MGAT4C: variants seen among roughly 807,000 people sequenced by gnomAD.
MGAT4C encodes the protein MGAT4 family member C, also known as alpha-1,3-mannosyl-glycoprotein 4-beta-N-acetylglucosaminyltransferase C.
A neutral mutation model predicts 40.1 loss-of-function variants in MGAT4C; 19 were observed. The observed-to-expected ratio is 0.47, with a 90% confidence interval of 0.33 to 0.70. The LOEUF is 0.70. Among genes scored for constraint, MGAT4C ranks in the 30% least tolerant of loss-of-function variants. The probability of loss-of-function intolerance (pLI) is 0.02; values close to 1 mark genes in which losing one functional copy is unlikely to be tolerated. For synonymous variants in MGAT4C, 181 were observed against 187.1 expected (o/e 0.97, Z 0.27); for missense variants, 491 against 563.2 (o/e 0.87, Z 1.30).
chr12:86,643,951 A>G (rs1963464535), intron 2 of MGAT4C, among the ~76,000 whole-genome samples: 1 of 151,802 alleles, frequency 6.6e-6, no homozygotes, highest in African/African-American at 2.4e-5. Flanking sequence ...CTCAATAAGA[A>G]TAATAAAATT....
At chr12:86,050,548 T>G (rs980228019) in intron 1 of MGAT4C, among the ~76,000 whole-genome samples, 10 of 152,054 alleles carry the variant, frequency 6.6e-5, no homozygotes, top group African/African-American at 2.4e-4. Flanking sequence ...CCAATTATGT[T>G]GTTTTTCAAA....
At chr12:86,248,863 C>G (rs1445494853) in intron 1 of MGAT4C, among the ~76,000 whole-genome samples, 1 of 152,082 alleles carries the variant, frequency 6.6e-6, no homozygotes, top group Non-Finnish European at 1.5e-5. Context: ...GCCTAAGAGA[C>G]AGCTGTGAAA....
In MGAT4C at chr12:86,309,884, A is replaced by C. The variant is rs1325501835; in HGVS notation, c.-57+24181T>G. On this transcript the variant is annotated intron_variant, in intron 4 of 7. Transcript: ENST00000548651. ...GAGTCCAAAATTTTAAAAATAATTT[A>C]TCTCTCTTGCACAGTGTGCACTAAA... is the stretch of plus-strand genomic sequence containing the variant. 7.9e-5 allele frequency among the ~76,000 whole-genome samples: 12 copies of C among 152,334 alleles called. No homozygotes were observed. The East Asian group carries it at 1.7e-3, about 22-fold the overall frequency.
At chr12:86,785,279 C>A (rs959788127) in intron 1 of MGAT4C, among the ~76,000 whole-genome samples, 3 of 151,852 alleles carry the variant, frequency 2.0e-5, no homozygotes, top group Non-Finnish European at 4.4e-5. Context: ...GCTCTGACAC[C>A]GAAATATCTA....
chr12:86,710,017 G>T (rs553133295), intron 2 of MGAT4C, among the ~76,000 whole-genome samples: 1 of 152,122 alleles, frequency 6.6e-6, no homozygotes, highest in South Asian at 2.1e-4. Context: ...TTCAAATAAA[G>T]GTGATTATGA....
intron 1 of MGAT4C, among the ~76,000 whole-genome samples, chr12:86,755,288 C>A (rs1391267849): frequency 6.6e-6 from 1 of 152,020 alleles, no homozygotes; most frequent in Non-Finnish European, 1.5e-5. Context: ...GTTGTTAGCC[C>A]CACAACCATA....
At chr12:86,398,847 C>A (rs1166038408) in intron 3 of MGAT4C, among the ~76,000 whole-genome samples, 2 of 152,114 alleles carry the variant, frequency 1.3e-5, no homozygotes, top group Non-Finnish European at 2.9e-5. Flanking sequence ...AGTCCTGCCC[C>A]ATACCAGAGG....
upstream of MGAT4C, among the ~76,000 whole-genome samples, chr12:86,258,002 G>A (rs933648403): frequency 1.2e-5 from 1 of 84,024 alleles, no homozygotes; most frequent in Non-Finnish European, 2.4e-5. Flanking sequence ...AAAATAAAAA[G>A]TATTACATAA....
chr12:86,172,316 T>G (rs566059546), intron 1 of MGAT4C, among the ~76,000 whole-genome samples: 1 of 152,160 alleles, frequency 6.6e-6, no homozygotes, highest in Non-Finnish European at 1.5e-5. Flanking sequence ...TCTACATAAT[T>G]GGATAATAGT....
chr12:86,674,571 C>T (rs1043200364), intron 2 of MGAT4C, among the ~76,000 whole-genome samples: 3 of 152,062 alleles, frequency 2.0e-5, no homozygotes, highest in East Asian at 1.9e-4. Context: ...GTGTCAGGCA[C>T]GTGTAATCCC....
intron 3 of MGAT4C, among the ~76,000 whole-genome samples, chr12:86,335,375 T>C (rs895145520): frequency 6.6e-6 from 1 of 152,170 alleles, no homozygotes; most frequent in African/African-American, 2.4e-5. Context: ...TACATCCCTT[T>C]GAAATGTAAA....
chr12:86,712,921 G>A (rs772519819), intron 2 of MGAT4C, among the ~76,000 whole-genome samples: 3 of 152,050 alleles, frequency 2.0e-5, no homozygotes, highest in Non-Finnish European at 4.4e-5. Context: ...TATAAGACGA[G>A]TAATAAGCAT....
intron 4 of MGAT4C, among the ~76,000 whole-genome samples, chr12:85,981,468 A>G (rs1884598677): frequency 6.6e-6 from 1 of 152,128 alleles, no homozygotes; most frequent in Non-Finnish European, 1.5e-5. Context: ...AGTTTGTCAG[A>G]GAGATTGTGA....
intron 2 of MGAT4C, among the ~76,000 whole-genome samples, chr12:86,010,376 G>C (rs1410209902): frequency 6.6e-6 from 1 of 152,162 alleles, no homozygotes; most frequent in Non-Finnish European, 1.5e-5. Flanking sequence ...TTGAATGTTT[G>C]TCTTTTTTAA....
chr12:86,122,427 C>A (rs1202192247), intron 1 of MGAT4C, among the ~76,000 whole-genome samples: 1 of 152,232 alleles, frequency 6.6e-6, no homozygotes, highest in African/African-American at 2.4e-5. Flanking sequence ...TTTCCTTATA[C>A]ACTTTTAGTA....
intron 1 of MGAT4C, among the ~76,000 whole-genome samples, chr12:86,764,952 A>G (rs892762932): frequency 6.6e-6 from 1 of 152,248 alleles, no homozygotes; most frequent in African/African-American, 2.4e-5. Flanking sequence ...TCTAAAAAGC[A>G]GAGCGCCTCT....
intron 3 of MGAT4C, among the ~76,000 whole-genome samples, chr12:86,415,773 A>G (rs1262261342): frequency 6.6e-6 from 1 of 152,038 alleles, no homozygotes; most frequent in Non-Finnish European, 1.5e-5. Context: ...AGGTTAAAAG[A>G]AAACTAACAA....
intron 2 of MGAT4C, among the ~76,000 whole-genome samples, chr12:86,633,299 T>C (rs1963120020): frequency 6.6e-6 from 1 of 152,094 alleles, no homozygotes; most frequent in South Asian, 2.1e-4. Flanking sequence ...TACCTAATTA[T>C]AAAACACATA....
At chr12:86,587,901 C>A (rs1032433190) in intron 2 of MGAT4C, among the ~76,000 whole-genome samples, 2 of 151,810 alleles carry the variant, frequency 1.3e-5, no homozygotes, top group Admixed American at 6.6e-5. Context: ...CAAACAGGGA[C>A]AATTTGACTT....
Sources: allele counts gnomAD v4.1 joint callset (sites outside exome capture counted in the v4.1 genomes callset), GRCh38; gene constraint gnomAD v4.1.1; transcripts MANE v1.5; gene names NCBI Gene and HGNC (gene_info 2026-07-23, HGNC 2026-07-21).